The following ROBO2 variants were observed in gnomAD, a reference collection of about 807,000 sequenced individuals.
ROBO2 encodes the protein roundabout guidance receptor 2, also known as roundabout homolog 2.
ROBO2 carries 53 observed loss-of-function variants against 160.8 expected under a neutral mutation model. That is an observed-to-expected ratio of 0.33 (90% CI 0.26 to 0.41). The LOEUF is 0.41. Ranked by LOEUF, ROBO2 falls within the 10% of genes least tolerant of loss-of-function variation. ROBO2 has a pLI of 1.00. For missense variants in ROBO2, 1,577 were observed against 1,722.4 expected (o/e 0.92, Z 1.49); for synonymous variants, 664 against 611.7 (o/e 1.09, Z -1.26).
At chr3:77,131,246 G>A (rs2075827295) in intron 2 of ROBO2, among the ~76,000 whole-genome samples, 1 of 152,160 alleles carries the variant, frequency 6.6e-6, no homozygotes, top group South Asian at 2.1e-4. Context: ...ATATGCTGAA[G>A]GCATCTGAAT....
At chr3:76,521,045 CTTTTTT>C (rs58517740) in intron 2 of ROBO2, among the ~76,000 whole-genome samples, 14 of 100,122 alleles carry the variant, frequency 1.4e-4, no homozygotes, top group African/African-American at 1.7e-4. Flanking sequence ...AAAATTGCTT[CTTTTTT>C]TTTTTTTTTT....
chr3:77,304,458 G>C lies in ROBO2; in HGVS notation c.389-172956G>C, dbSNP rs563914851. Among the ~76,000 whole-genome samples, 209 of 152,252 alleles carry C rather than the reference G, an allele frequency of 1.4e-3. 1 individual carries two copies. The highest frequency in any genetic ancestry group is 3.1e-3 in the South Asian group (15 of 4,822). ...CAGTCGGCCACATGAAGTGAGAGCC[G>C]TTAGACGCAGCAATGAGATTACTGC... On this transcript the variant is annotated intron_variant, in intron 2 of 25. Coordinates refer to ENST00000461745, the Ensembl canonical transcript of ROBO2.
intron 2 of ROBO2, among the ~76,000 whole-genome samples, 153 bp downstream of exon 2, chr3:77,098,493 T>C (rs1405277928): frequency 6.6e-6 from 1 of 152,192 alleles, no homozygotes; most frequent in African/African-American, 2.4e-5. Context: ...GTCAAGATAG[T>C]ATCAAGCCAG....
chr3:77,309,812 C>G (rs936863316), intron 2 of ROBO2, among the ~76,000 whole-genome samples: 2 of 152,310 alleles, frequency 1.3e-5, no homozygotes, highest in East Asian at 3.9e-4. Context: ...GTCTGTGATA[C>G]TGTTGAAGGG....
At chr3:77,043,728 A>G (rs988493269) in intron 1 of ROBO2, among the ~76,000 whole-genome samples, 1 of 152,184 alleles carries the variant, frequency 6.6e-6, no homozygotes, top group Non-Finnish European at 1.5e-5. Context: ...AATATGAACT[A>G]TGGCAACACT....
intron 2 of ROBO2, among the ~76,000 whole-genome samples, chr3:76,007,664 T>A (rs985904231): frequency 1.2e-4 from 18 of 152,176 alleles, no homozygotes; most frequent in African/African-American, 4.3e-4. Flanking sequence ...GTGTCTGTTA[T>A]CATAGATAAG....
At chr3:77,352,749 T>A (rs1426800602) in intron 2 of ROBO2, among the ~76,000 whole-genome samples, 1 of 152,170 alleles carries the variant, frequency 6.6e-6, no homozygotes, top group Admixed American at 6.5e-5. Flanking sequence ...AACTGAAAAG[T>A]CACCAGTGGG....
intron 2 of ROBO2, among the ~76,000 whole-genome samples, chr3:76,373,683 A>T (rs1395709041): frequency 6.6e-6 from 1 of 151,998 alleles, no homozygotes; most frequent in Non-Finnish European, 1.5e-5. Flanking sequence ...CAGTATAGTC[A>T]TTGAATGTAA....
chr3:76,243,270 C>A (rs973644266), intron 2 of ROBO2, among the ~76,000 whole-genome samples: 1 of 151,824 alleles, frequency 6.6e-6, no homozygotes, highest in East Asian at 1.9e-4. Context: ...TGAGCACTGC[C>A]GGTCCTTCTA....
At chr3:75,958,447 A>G (rs1046978406) in intron 2 of ROBO2, among the ~76,000 whole-genome samples, 2 of 151,830 alleles carry the variant, frequency 1.3e-5, no homozygotes, top group African/African-American at 4.8e-5. Context: ...CTCAAACTAT[A>G]CAACTTTAAA....
intron 2 of ROBO2, among the ~76,000 whole-genome samples, chr3:77,194,511 C>A (rs953507521): frequency 1.3e-5 from 2 of 152,054 alleles, no homozygotes; most frequent in Non-Finnish European, 2.9e-5. Context: ...TTAGTGACTG[C>A]AGAAAAATGA....
At chr3:76,925,210 C>CAAAAAAAAAAA (rs147022230) in intron 2 of ROBO2, among the ~76,000 whole-genome samples, 2 of 61,876 alleles carry the variant, frequency 3.2e-5, no homozygotes, top group African/African-American at 1.3e-4. Flanking sequence ...GACTCCGTCT[C>CAAAAAAAAAAA]AAAAAAAAAA....
At chr3:76,311,729 A>AT (rs984545287) in intron 2 of ROBO2, among the ~76,000 whole-genome samples, 2 of 152,194 alleles carry the variant, frequency 1.3e-5, no homozygotes, top group African/African-American at 4.8e-5. Flanking sequence ...AAGCCGCATT[A>AT]TTTTTAAAAG....
chr3:76,672,701 A>G (rs1450472597), intron 2 of ROBO2, among the ~76,000 whole-genome samples: 1 of 152,084 alleles, frequency 6.6e-6, no homozygotes, highest in Non-Finnish European at 1.5e-5. Flanking sequence ...CATGCATTTT[A>G]TTCTTCAGTC....
At chr3:76,335,191 T>G (rs1008103394) in intron 2 of ROBO2, among the ~76,000 whole-genome samples, 5 of 143,706 alleles carry the variant, frequency 3.5e-5, no homozygotes, top group African/African-American at 1.0e-4. Context: ...TTTTTTTTTT[T>G]TTTTTTTTTT....
intron 2 of ROBO2, among the ~76,000 whole-genome samples, chr3:77,446,402 T>C (rs1185314025): frequency 6.6e-6 from 1 of 152,116 alleles, no homozygotes; most frequent in East Asian, 1.9e-4. Context: ...AAGACTACTA[T>C]ACCACTCAGC....
chr3:77,188,412 GA>G (rs2081482963), intron 2 of ROBO2, among the ~76,000 whole-genome samples: 1 of 151,702 alleles, frequency 6.6e-6, no homozygotes, highest in South Asian at 2.1e-4. Context: ...CAGGATTATG[GA>G]AAAAAATTCT....
intron 2 of ROBO2, among the ~76,000 whole-genome samples, chr3:77,188,259 C>A (rs777750600): frequency 2.8e-5 from 4 of 143,516 alleles, no homozygotes; most frequent in African/African-American, 5.9e-5. Flanking sequence ...TACAAACATA[C>A]GGAAAAATTA....
At chr3:76,357,763 AC>A (rs2075262840) in intron 2 of ROBO2, among the ~76,000 whole-genome samples, 1 of 151,900 alleles carries the variant, frequency 6.6e-6, no homozygotes, top group South Asian at 2.1e-4. Context: ...AGGATAAACA[AC>A]CACAATTAAT....
Sources: gnomAD v4.1 joint callset for allele counts (sites outside exome capture counted in the v4.1 genomes callset) on GRCh38, gnomAD v4.1.1 for gene constraint, MANE v1.5 for transcripts, NCBI Gene and HGNC (gene_info 2026-07-23, HGNC 2026-07-21) for gene names.